The following ABCC3 variants were observed in gnomAD, a reference collection of about 807,000 sequenced individuals.
The protein encoded by ABCC3 is ATP binding cassette subfamily C member 3.
Under a neutral mutation model 165.3 loss-of-function variants are expected in ABCC3, and 121 were observed. The ratio of observed to expected loss-of-function variants is 0.73; its 90% confidence interval spans 0.63 to 0.85. The LOEUF (loss-of-function observed/expected upper bound fraction) is 0.85, where lower values mean the gene tolerates loss of function less well. ABCC3 is among the 40% of genes least tolerant of loss of function. The pLI is 0.00. For missense variants in ABCC3, 1,869 were observed against 1,964.1 expected (o/e 0.95, Z 0.92); for synonymous variants, 733 against 810.1 (o/e 0.90, Z 1.62).
intron 8 of ABCC3, 52 bp downstream of exon 8, chr17:50,661,166 C>A: frequency 1.3e-6 from 2 of 1,494,998 alleles, no homozygotes; most frequent in African/African-American, 1.4e-5. Flanking sequence ...GCAGGGCTGG[C>A]TGGCTAGCCC....
rs771867009 is a variant in ABCC3 at position 50,676,601 on chromosome 17, C to T, written c.3378+13C>T. On this transcript the variant is annotated intron_variant, in intron 23 of 30. Transcript: ENST00000285238. ...CACCTTAGTGCAGGTGTGGGGTGGGCGTGATTCCAGTGTGGGCGTGGTGTT... is the reference window on the plus strand; with the variant it reads ...CACCTTAGTGCAGGTGTGGGGTGGGTGTGATTCCAGTGTGGGCGTGGTGTT... The T allele has an allele frequency of 3.9e-5, 52 of 1,342,756 alleles. No homozygotes were observed. Among genetic ancestry groups the T allele is most frequent in the Admixed American group, 5.9e-5 (3 of 50,860 alleles). 83.2% of individuals were successfully genotyped at this position (1,342,756 alleles called of 1,614,324 possible).
At position 50,676,397 on chromosome 17, in the gene ABCC3, A is replaced by G. The variant is rs1407532300; in HGVS notation, c.3187A>G (p.Thr1063Ala). ...IRSPQSFFDT[T>A]PSGRILNCFS... is the part of the protein sequence containing the mutation. ...CTCGCCACAGTCCTTCTTTGACACC[A>G]CACCATCAGGCCGCATCCTGAACTG... Residue 1063 changes from threonine (T) to alanine (A), a missense_variant, in exon 23 of 31, where the codon ACA (threonine) becomes GCA (alanine). Transcript: ENST00000285238. The G allele has an allele frequency of 1.4e-5, 22 of 1,614,136 alleles. No homozygotes were observed. Among genetic ancestry groups the G allele is most frequent in the Non-Finnish European group, 1.9e-5 (22 of 1,180,028 alleles).
chr17:50,671,856 G>A (rs1461664837), intron 17 of ABCC3, among the ~76,000 whole-genome samples: 1 of 151,464 alleles, frequency 6.6e-6, no homozygotes, highest in African/African-American at 2.4e-5. Flanking sequence ...CGAATAGCTG[G>A]GATTACAGGC....
At chr17:50,668,785 C>A in intron 14 of ABCC3, 68 bp from the exon 15 acceptor site, 2 of 1,363,044 alleles carry the variant, frequency 1.5e-6, no homozygotes, top group South Asian at 2.4e-5. Flanking sequence ...CCCTGCCCCC[C>A]AGCCTCCCTG....
intron 1 of ABCC3, among the ~76,000 whole-genome samples, chr17:50,638,529 G>T (rs2054199922): frequency 6.6e-6 from 1 of 152,146 alleles, no homozygotes. Context: ...TCTGTGACTG[G>T]GTAGAGGGAA....
In ABCC3 at chr17:50,664,014, C is replaced by G; in HGVS notation, c.1241C>G (p.Ser414Ter). Residue 414 changes from serine (S) to a stop codon, truncating the protein, a stop_gained, in exon 10 of 31, where the codon TCA (serine) becomes TGA (stop). Coordinates refer to ENST00000285238, the MANE Select transcript of ABCC3 (RefSeq NM_003786.4). LOFTEE classifies it high-confidence loss of function. The part of the protein sequence containing the change: ...STVGEIVNLM[S>*]VDAQRFMDLA... ...GTGGGGGAAATTGTCAACCTCATGT[C>G]AGTGGATGCCCAGCGCTTCATGGAC... 6.2e-7 allele frequency: 1 copy of G among 1,614,134 alleles called. No homozygotes were observed. The highest frequency in any genetic ancestry group is 8.5e-7 in the Non-Finnish European group (1 of 1,179,978).
At chr17:50,677,048 A>C (rs552831276) in intron 23 of ABCC3, among the ~76,000 whole-genome samples, 1 of 152,084 alleles carries the variant, frequency 6.6e-6, no homozygotes, top group Non-Finnish European at 1.5e-5. Context: ...CGCCCAGCTA[A>C]TTTTTGTAGT....
Position 50,663,720 on chromosome 17 carries a change from C to T in ABCC3, c.1038C>T (p.Ser346=), listed in dbSNP as rs757657178. 1.9e-6 allele frequency: 3 copies of T among 1,614,224 alleles called. No homozygotes were observed. In the Admixed American group the frequency reaches 5.0e-5, roughly 27 times the overall value. ...TTATCTCCAACCCCATGGCCCCCTC[C>T]TGGTGGGGCTTCCTGGTGGCTGGGC... is the stretch of plus-strand genomic sequence containing the variant. The part of the protein sequence containing the change: ...IRFISNPMAP[S]WWGFLVAGLM... The change falls in exon 9 of 31, where the codon TCC becomes TCT. Residue 346 remains serine, a synonymous_variant. Coordinates refer to ENST00000285238, the MANE Select transcript of ABCC3 (RefSeq NM_003786.4).
At chr17:50,687,766 TGGGGCCACCTG>T in intron 30 of ABCC3, 36 bp downstream of exon 30, 1 of 1,587,766 alleles carries the variant, frequency 6.3e-7, no homozygotes, top group South Asian at 1.1e-5. Context: ...GGGAACCTGG[TGGGGCCACCTG>T]GGGCATCAGG....
rs562997311 is a variant in ABCC3, at chr17:50,663,978, G to A, written c.1205G>A (p.Arg402His). 7.4e-6 allele frequency: 12 copies of A among 1,614,138 alleles called. No individual in the cohort carries two copies. Among genetic ancestry groups the A allele is most frequent in the East Asian group, 2.2e-5 (1 of 44,880 alleles). ...KALVITNSVK[R>H]ASTVGEIVNL... ...CTGGTTATCACCAACTCAGTCAAAC[G>A]TGCGTCCACTGTGGGGGAAATTGTC... The change falls in exon 10 of 31, where the codon CGT (arginine) becomes CAT (histidine). Residue 402 changes from arginine (R) to histidine (H), a missense_variant. By Grantham distance (29) the Arg-to-His change is conservative (BLOSUM62 0). Transcript: ENST00000285238.
At chr17:50,637,243 G>A (rs759376265) in intron 1 of ABCC3, among the ~76,000 whole-genome samples, 15 of 152,272 alleles carry the variant, frequency 9.9e-5, no homozygotes, top group South Asian at 4.1e-4. Context: ...TGCACCCAGT[G>A]TGGCTGGTGA....
chr17:50,672,919 G>A, intron 17 of ABCC3, 52 bp from the exon 18 acceptor site: 1 of 1,529,160 alleles, frequency 6.5e-7, no homozygotes, highest in South Asian at 1.2e-5. Flanking sequence ...ACAGGCCGTT[G>A]TCTCCCTGTG....
intron 11 of ABCC3, among the ~76,000 whole-genome samples, chr17:50,665,871 C>A (rs1458431592): frequency 6.6e-6 from 1 of 151,888 alleles, no homozygotes; most frequent in African/African-American, 2.4e-5. Flanking sequence ...CTTAGCCTCC[C>A]AAAGTGCTGG....
At chr17:50,683,542 G>T in intron 26 of ABCC3, 68 bp from the exon 27 acceptor site, 1 of 1,462,628 alleles carries the variant, frequency 6.8e-7, no homozygotes, top group Non-Finnish European at 9.0e-7. Flanking sequence ...CCTTGGGGGA[G>T]AGAGACCGAA....
chr17:50,671,189 G>A (rs548180743), intron 17 of ABCC3, among the ~76,000 whole-genome samples: 1 of 151,988 alleles, frequency 6.6e-6, no homozygotes, highest in South Asian at 2.1e-4. Context: ...CCAGGAGGCG[G>A]AGGTTGCAAT....
intron 11 of ABCC3, among the ~76,000 whole-genome samples, chr17:50,666,423 A>G (rs1175357204): frequency 6.6e-6 from 1 of 152,086 alleles, no homozygotes; most frequent in Non-Finnish European, 1.5e-5. Flanking sequence ...GTGAGCCAAG[A>G]TCGCGCCATT....
chr17:50,640,401 G>T (rs888700705), intron 1 of ABCC3, among the ~76,000 whole-genome samples: 1 of 152,234 alleles, frequency 6.6e-6, no homozygotes, highest in African/African-American at 2.4e-5. Flanking sequence ...CTGGCCCACA[G>T]CAGGAGCTCA....
intron 28 of ABCC3, among the ~76,000 whole-genome samples, chr17:50,684,398 C>T (rs977937956): frequency 8.5e-5 from 13 of 152,106 alleles, no homozygotes; most frequent in Admixed American, 3.3e-4. Context: ...GGTCTTTTTG[C>T]GCAGCTCTAA....
At chr17:50,673,388 ACACT>A in intron 18 of ABCC3, 77 bp from the exon 19 acceptor site, 1 of 1,529,262 alleles carries the variant, frequency 6.5e-7, no homozygotes, top group Non-Finnish European at 8.9e-7. Context: ...GGCACACTTC[ACACT>A]CACTCTGTGG....
Sources: gnomAD v4.1 joint callset for allele counts (sites outside exome capture counted in the v4.1 genomes callset) on GRCh38, gnomAD v4.1.1 for gene constraint, MANE v1.5 for transcripts, NCBI Gene and HGNC (gene_info 2026-07-23, HGNC 2026-07-21) for gene names.